The following R3HDM2 variants were observed in gnomAD, a reference collection of about 807,000 sequenced individuals.
R3HDM2 encodes R3H domain-containing protein 2.
In R3HDM2, 38 loss-of-function variants were observed where a neutral mutation model predicts 124.5. That is an observed-to-expected ratio of 0.31 (90% CI 0.24 to 0.40). The LOEUF is 0.40. Ranked by LOEUF, R3HDM2 falls within the 10% of genes least tolerant of loss-of-function variation. R3HDM2 has a pLI of 1.00. For synonymous variants in R3HDM2, 391 were observed against 448.0 expected (o/e 0.87, Z 1.61); for missense variants, 869 against 1,236.9 (o/e 0.70, Z 4.46).
intron 1 of R3HDM2, among the ~76,000 whole-genome samples, chr12:57,405,126 C>T (rs2068412257): frequency 6.6e-6 from 1 of 151,960 alleles, no homozygotes; most frequent in Non-Finnish European, 1.5e-5. Context: ...CTCCTGGGCT[C>T]GAGTAATCTT....
chr12:57,367,954 A>C (rs1348987859), intron 2 of R3HDM2, among the ~76,000 whole-genome samples: 1 of 151,450 alleles, frequency 6.6e-6, no homozygotes, highest in East Asian at 1.9e-4. Flanking sequence ...TTTATGTTCT[A>C]TATTCAATAA....
intron 2 of R3HDM2, among the ~76,000 whole-genome samples, chr12:57,331,608 C>T (rs942572810): frequency 3.3e-5 from 5 of 151,974 alleles, no homozygotes; most frequent in Admixed American, 6.6e-5. Flanking sequence ...GCAGGCTGGG[C>T]AATATAGGGA....
intron 2 of R3HDM2, among the ~76,000 whole-genome samples, chr12:57,364,378 G>A (rs1356957475): frequency 6.6e-6 from 1 of 151,942 alleles, no homozygotes; most frequent in African/African-American, 2.4e-5. Flanking sequence ...TCAAACTCCT[G>A]ACCTGAGGTG....
chr12:57,371,889 C>T (rs965668933), intron 2 of R3HDM2, among the ~76,000 whole-genome samples: 5 of 152,034 alleles, frequency 3.3e-5, no homozygotes, highest in Admixed American at 1.3e-4. Context: ...AATTTTGAGA[C>T]GGAGTTTCGC....
At chr12:57,295,002 G>A (rs1247218465) in intron 10 of R3HDM2, among the ~76,000 whole-genome samples, 1 of 152,192 alleles carries the variant, frequency 6.6e-6, no homozygotes, top group Non-Finnish European at 1.5e-5. Context: ...GTTGAAGTGG[G>A]ACAAAGTAGC....
Position 57,269,931 on chromosome 12 carries a change from C to T in R3HDM2, c.1408G>A (p.Ala470Thr), listed in dbSNP as rs747105973. The T allele has an allele frequency of 5.6e-6, 9 of 1,614,158 alleles. No homozygotes were observed. The South Asian group carries it at 9.9e-5, about 18-fold the overall frequency. ...SLSRQGSTEA[A>T]DPSAALFQTP... ...TGGAATAGAGCTGCAGATGGGTCAG[C>T]TGCTTCAGTAGAACCTTGGCGACTA... The change falls in exon 15 of 24, where the codon GCT becomes ACT. Residue 470 changes from alanine to threonine, a missense_variant. Coordinates refer to ENST00000402412, the MANE Select transcript of R3HDM2 (RefSeq NM_001394031.1).
At chr12:57,258,797 T>A in intron 20 of R3HDM2, 93 bp downstream of exon 20, 1 of 1,204,530 alleles carries the variant, frequency 8.3e-7, no homozygotes, top group Non-Finnish European at 1.1e-6. Flanking sequence ...GGAAAAGACA[T>A]GTAAAAGAGG....
At chr12:57,280,852 T>C (rs1034813960) in intron 13 of R3HDM2, among the ~76,000 whole-genome samples, 2 of 152,146 alleles carry the variant, frequency 1.3e-5, no homozygotes, top group Non-Finnish European at 2.9e-5. Context: ...TCCATCAAAC[T>C]TAGATAGCTG....
intron 19 of R3HDM2, among the ~76,000 whole-genome samples, chr12:57,264,435 G>T (rs1204304403): frequency 2.0e-5 from 3 of 150,032 alleles, no homozygotes; most frequent in Non-Finnish European, 3.0e-5. Context: ...AGCCAGGCAT[G>T]GTGGCAGGCG....
At chr12:57,362,211 C>T (rs188119154) in intron 2 of R3HDM2, among the ~76,000 whole-genome samples, 28 of 152,258 alleles carry the variant, frequency 1.8e-4, no homozygotes, top group Admixed American at 9.2e-4. Flanking sequence ...CTCTCCTTTC[C>T]CCTCCTCCCG....
chr12:57,358,068 T>G (rs111781122), intron 2 of R3HDM2, among the ~76,000 whole-genome samples: 2 of 151,308 alleles, frequency 1.3e-5, no homozygotes, highest in Non-Finnish European at 1.5e-5. Flanking sequence ...AACCCCTGCC[T>G]CCCAGATTCA....
At chr12:57,337,500 G>A (rs1354415902) in intron 2 of R3HDM2, among the ~76,000 whole-genome samples, 1 of 152,136 alleles carries the variant, frequency 6.6e-6, no homozygotes, top group Non-Finnish European at 1.5e-5. Context: ...TGGGGTAGAA[G>A]CAACTTTCAG....
chr12:57,349,443 CTGTTGGCAACTAAATAGTGTTTGCAGCAT>C, intron 2 of R3HDM2, among the ~76,000 whole-genome samples: 1 of 146,128 alleles, frequency 6.8e-6, no homozygotes, highest in Non-Finnish European at 1.5e-5. Context: ...AAATTTCTTA[CTGTTGGCAACTAAATAGTGTTTGCAGCAT>C]TTTTATCATG....
chr12:57,398,958 T>G (rs2067817859), intron 1 of R3HDM2, among the ~76,000 whole-genome samples: 1 of 152,166 alleles, frequency 6.6e-6, no homozygotes, highest in South Asian at 2.1e-4. Flanking sequence ...CTTCACAGCT[T>G]AGAACCATTT....
chr12:57,254,322 G>T lies in R3HDM2; in HGVS notation c.*451C>A, dbSNP rs2038254753. 1 of 427,274 alleles carries T rather than the reference G, an allele frequency of 2.3e-6. No individual in the cohort carries two copies. The highest frequency in any genetic ancestry group is 3.0e-5 in the Admixed American group (1 of 33,894). 26.5% of individuals were successfully genotyped at this position (427,274 alleles called of 1,614,324 possible). ...TTGAGGCCAGCCTGGCCAACATGGT[G>T]AAACTCCGTCTCTACTAAAAATACA... On this transcript the variant is annotated 3_prime_UTR_variant, in exon 24 of 24. Transcript: ENST00000402412.
intron 1 of R3HDM2, among the ~76,000 whole-genome samples, chr12:57,404,283 C>T (rs1358575803): frequency 1.0e-4 from 15 of 150,286 alleles, no homozygotes; most frequent in Non-Finnish European, 1.8e-4. Flanking sequence ...AGGCTGGTCT[C>T]GAACTCCCAA....
At chr12:57,338,794 TC>T (rs1296089434) in intron 2 of R3HDM2, among the ~76,000 whole-genome samples, 1 of 148,562 alleles carries the variant, frequency 6.7e-6, no homozygotes, top group African/African-American at 2.5e-5. Context: ...AAATAGTACA[TC>T]CCCCTGCCAT....
intron 14 of R3HDM2, among the ~76,000 whole-genome samples, chr12:57,270,839 G>C (rs1036941370): frequency 1.6e-4 from 25 of 152,216 alleles, no homozygotes; most frequent in Admixed American, 1.6e-3. Flanking sequence ...AAAGTGCTGG[G>C]ATTACAGGTG....
In R3HDM2 at chr12:57,280,467, A is replaced by G. The variant is rs762671327; in HGVS notation, c.1235T>C (p.Leu412Pro). Residue 412 changes from leucine (L) to proline (P), a missense_variant, in exon 14 of 24, where the codon CTT becomes CCT. Leu to Pro is a moderately conservative substitution (Grantham distance 98). Around this residue, in one of 2 missense-constraint regions of R3HDM2, gnomAD observed 602 missense variants for 789.2 expected, o/e 0.76. Coordinates refer to ENST00000402412, the MANE Select transcript of R3HDM2 (RefSeq NM_001394031.1). ...QVTSSQSVRG[L>P]LPCTAQQQQQ... ...TTGCTGCTGGGCAGTACAAGGGAGA[A>G]GCCCCCGGACAGACTGGGATGAGGT... 6.2e-7 allele frequency: 1 copy of G among 1,613,948 alleles called. No individual in the cohort carries two copies. Among genetic ancestry groups the G allele is most frequent in the African/African-American group, 1.3e-5 (1 of 74,908 alleles).
Sources: gnomAD v4.1 joint callset for allele counts (sites outside exome capture counted in the v4.1 genomes callset) on GRCh38, gnomAD v4.1.1 for gene constraint, gnomAD v4.1.1 regional missense constraint, MANE v1.5 for transcripts, NCBI Gene and HGNC (gene_info 2026-07-23, HGNC 2026-07-21) for gene names.